PDE1C: variants seen among roughly 807,000 people sequenced by gnomAD.
PDE1C encodes dual specificity calcium/calmodulin-dependent 3',5'-cyclic nucleotide phosphodiesterase 1C.
A neutral mutation model predicts 93.1 loss-of-function variants in PDE1C; 62 were observed. The ratio of observed to expected loss-of-function variants is 0.67; its 90% CI spans 0.54 to 0.82. The LOEUF is 0.82. Among genes scored for constraint, PDE1C ranks in the 40% least tolerant of loss-of-function variants. PDE1C has a pLI of 0.00. For synonymous variants in PDE1C, 325 were observed against 310.1 expected, an observed-to-expected ratio of 1.05 and a Z score of -0.50; for missense variants, 742 against 884.6, an observed-to-expected ratio of 0.84 and a Z score of 2.04.
At chr7:32,010,526 C>T (rs1245186899) in intron 2 of PDE1C, among the ~76,000 whole-genome samples, 1 of 152,050 alleles carries the variant, frequency 6.6e-6, no homozygotes, top group Non-Finnish European at 1.5e-5. Flanking sequence ...AATGGAAATC[C>T]TAAAACTATA....
chr7:32,372,052 ATTTT>A (rs70989652), intron 1 of PDE1C, among the ~76,000 whole-genome samples: 4 of 132,488 alleles, frequency 3.0e-5, no homozygotes, highest in African/African-American at 1.1e-4. Flanking sequence ...TGGTCAATTG[ATTTT>A]TTTTTTTTTT....
intron 2 of PDE1C, among the ~76,000 whole-genome samples, chr7:31,964,507 C>T (rs925508237): frequency 7.2e-5 from 11 of 152,236 alleles, no homozygotes; most frequent in Non-Finnish European, 1.5e-4. Flanking sequence ...GCCTGCCTGC[C>T]TCTGTAGGCT....
At chr7:31,840,180 G>A (rs1791676285) in intron 9 of PDE1C, among the ~76,000 whole-genome samples, 1 of 152,152 alleles carries the variant, frequency 6.6e-6, no homozygotes, top group Non-Finnish European at 1.5e-5. Context: ...TGATGGATAT[G>A]TAGTGTTATC....
upstream of PDE1C, among the ~76,000 whole-genome samples, chr7:32,075,957 C>T (rs1356378331): frequency 6.6e-6 from 1 of 152,152 alleles, no homozygotes; most frequent in African/African-American, 2.4e-5. Context: ...TTGGGTTGGG[C>T]TCAGGGACCT....
chr7:31,710,365 CT>C, the PDE1C span, among the ~76,000 whole-genome samples: 1 of 152,160 alleles, frequency 6.6e-6, no homozygotes. Context: ...CACACAAAGC[CT>C]TTCTTTAAAT....
At chr7:32,099,660 C>A (rs1797946872) in intron 3 of PDE1C, among the ~76,000 whole-genome samples, 1 of 152,180 alleles carries the variant, frequency 6.6e-6, no homozygotes, top group African/African-American at 2.4e-5. Context: ...GCAAAGAAGG[C>A]CTCCCATGCC....
intron 1 of PDE1C, among the ~76,000 whole-genome samples, chr7:32,241,980 T>C (rs966445000): frequency 3.3e-5 from 5 of 152,162 alleles, no homozygotes; most frequent in African/African-American, 1.2e-4. Context: ...AGAATCAAGG[T>C]CATCAGCAGA....
At chr7:32,402,673 T>A (rs1355753796) in intron 1 of PDE1C, among the ~76,000 whole-genome samples, 1 of 152,186 alleles carries the variant, frequency 6.6e-6, no homozygotes, top group Non-Finnish European at 1.5e-5. Context: ...CATCCCTTAG[T>A]GCAGTCAAGT....
chr7:32,287,047 G>A (rs1812045365), intron 1 of PDE1C, among the ~76,000 whole-genome samples: 2 of 152,158 alleles, frequency 1.3e-5, no homozygotes, highest in South Asian at 4.2e-4. Flanking sequence ...AGATAGAGAG[G>A]AAGAATGCAG....
At position 31,841,821 on chromosome 7, in the gene PDE1C, G is replaced by C. The variant is rs1354211153; in HGVS notation, c.981-3850C>G. Among the ~76,000 whole-genome samples the C allele has an allele frequency of 2.6e-5, 4 of 152,232 alleles. No homozygotes were observed. The South Asian group carries it at 8.3e-4, about 32-fold the overall frequency. ...GCTGACAAGTCCCAAGATCTGCAGG[G>C]TAAATCAGCAAGTGGAGATCCAGGA... On this transcript the variant is annotated intron_variant, in intron 9 of 17. Transcript: ENST00000396191.
At chr7:31,847,821 G>A (rs1209950787) in intron 9 of PDE1C, 147 bp downstream of exon 9, 4 of 784,176 alleles carry the variant, frequency 5.1e-6, no homozygotes, top group African/African-American at 3.5e-5. Context: ...TACACAAAGA[G>A]AGGGTGAGAG....
the PDE1C span, among the ~76,000 whole-genome samples, chr7:31,618,395 T>C: frequency 0.014 from 2,081 of 152,264 alleles, 61 homozygotes; most frequent in African/African-American, 0.047. Context: ...CCACTACTAA[T>C]TAGGCTATTG....
chr7:31,985,665 TGTGGTG>T (rs1476137473), intron 2 of PDE1C, among the ~76,000 whole-genome samples: 1 of 151,606 alleles, frequency 6.6e-6, no homozygotes, highest in Non-Finnish European at 1.5e-5. Flanking sequence ...AGTGAGAACA[TGTGGTG>T]GTTGGTTTTC....
intron 7 of PDE1C, among the ~76,000 whole-genome samples, chr7:31,855,435 C>A (rs879688214): frequency 7.2e-5 from 11 of 152,020 alleles, no homozygotes; most frequent in African/African-American, 9.7e-5. Flanking sequence ...TATTTAAATT[C>A]TTCTGATTGT....
chr7:32,125,368 G>T (rs1416251803), intron 3 of PDE1C, among the ~76,000 whole-genome samples: 2 of 152,124 alleles, frequency 1.3e-5, no homozygotes, highest in African/African-American at 4.8e-5. Flanking sequence ...CCATTACTGG[G>T]TATATACCCA....
intron 1 of PDE1C, among the ~76,000 whole-genome samples, chr7:32,364,247 T>A (rs543182547): frequency 6.6e-6 from 1 of 152,292 alleles, no homozygotes; most frequent in South Asian, 2.1e-4. Context: ...TTTAAATTCA[T>A]TTTTTTAAGT....
intron 2 of PDE1C, among the ~76,000 whole-genome samples, chr7:31,968,305 C>G (rs9632561): frequency 6.6e-6 from 1 of 151,816 alleles, no homozygotes; most frequent in Non-Finnish European, 1.5e-5. Flanking sequence ...AGCATTCTTA[C>G]ACACCAATAA....
At chr7:31,892,130 T>C (rs2128901576) in intron 2 of PDE1C, among the ~76,000 whole-genome samples, 1 of 152,316 alleles carries the variant, frequency 6.6e-6, no homozygotes, top group Non-Finnish European at 1.5e-5. Context: ...GTTTTATAAG[T>C]GTCTCTCTGT....
At chr7:32,341,182 T>A (rs199624891) in intron 1 of PDE1C, among the ~76,000 whole-genome samples, 15 of 102,732 alleles carry the variant, frequency 1.5e-4, no homozygotes, top group East Asian at 3.4e-4. Context: ...TCTTTTTTTT[T>A]TTTTTTTTTT....
Sources: gnomAD v4.1 joint callset for allele counts (sites outside exome capture counted in the v4.1 genomes callset) on GRCh38, gnomAD v4.1.1 for gene constraint, MANE v1.5 for transcripts, NCBI Gene and HGNC (gene_info 2026-07-23, HGNC 2026-07-21) for gene names.